IMMP2L: variants seen among roughly 807,000 people sequenced by gnomAD.
IMMP2L encodes the protein mitochondrial inner membrane protease subunit 2.
IMMP2L carries 18 observed loss-of-function variants against 19.3 expected under a neutral mutation model. The observed-to-expected ratio is 0.93, with a 90% CI of 0.64 to 1.38. The LOEUF (loss-of-function observed/expected upper bound fraction) is 1.38, where lower values mean the gene tolerates loss of function less well. Ranked by LOEUF, IMMP2L falls within the 40% of genes most tolerant of loss-of-function variation. The probability of loss-of-function intolerance (pLI) is 0.00; values close to 1 mark genes in which losing one functional copy is unlikely to be tolerated. For synonymous variants in IMMP2L, 76 were observed against 73.0 expected (o/e 1.04, Z -0.21); for missense variants, 233 against 218.2 (o/e 1.07, Z -0.43).
At chr7:110,980,538 C>G (rs1821193122) in intron 3 of IMMP2L, among the ~76,000 whole-genome samples, 1 of 152,074 alleles carries the variant, frequency 6.6e-6, no homozygotes, top group African/African-American at 2.4e-5. Context: ...ATCTTATCAC[C>G]TTTCTAGAAA....
intron 5 of IMMP2L, among the ~76,000 whole-genome samples, chr7:110,722,620 G>A (rs923700380): frequency 6.6e-6 from 1 of 152,060 alleles, no homozygotes; most frequent in Non-Finnish European, 1.5e-5. Context: ...AGCATACATT[G>A]TACTCAATGT....
At chr7:111,120,434 T>A (rs918375100) in intron 3 of IMMP2L, among the ~76,000 whole-genome samples, 1 of 152,038 alleles carries the variant, frequency 6.6e-6, no homozygotes, top group Non-Finnish European at 1.5e-5. Context: ...TTCACTACCA[T>A]GAGCATGGGG....
At chr7:110,789,004 T>A (rs1800279673) in intron 5 of IMMP2L, among the ~76,000 whole-genome samples, 1 of 151,784 alleles carries the variant, frequency 6.6e-6, no homozygotes. Context: ...TGCTGTGCTG[T>A]GTGGAAGTCC....
intron 3 of IMMP2L, among the ~76,000 whole-genome samples, chr7:111,254,067 G>C (rs1481131145): frequency 6.6e-6 from 1 of 152,082 alleles, no homozygotes; most frequent in African/African-American, 2.4e-5. Context: ...AATAAAATTT[G>C]TGCATCAAGT....
intron 5 of IMMP2L, among the ~76,000 whole-genome samples, chr7:110,767,424 C>G (rs577462446): frequency 6.6e-6 from 1 of 152,080 alleles, no homozygotes; most frequent in Non-Finnish European, 1.5e-5. Context: ...AGGATTTTAA[C>G]GTTAACTCTC....
At chr7:110,981,720 T>G (rs997343484) in intron 3 of IMMP2L, among the ~76,000 whole-genome samples, 1 of 152,184 alleles carries the variant, frequency 6.6e-6, no homozygotes, top group African/African-American at 2.4e-5. Flanking sequence ...TCAGCCCACT[T>G]AAGCAGAAAC....
At chr7:110,717,502 A>C (rs1029555992) in intron 5 of IMMP2L, among the ~76,000 whole-genome samples, 1 of 152,104 alleles carries the variant, frequency 6.6e-6, no homozygotes, top group African/African-American at 2.4e-5. Flanking sequence ...AAAACAACTC[A>C]AAGTGTAAGC....
chr7:111,219,289 A>C (rs1812276824), intron 3 of IMMP2L, among the ~76,000 whole-genome samples: 1 of 151,950 alleles, frequency 6.6e-6, no homozygotes, highest in Non-Finnish European at 1.5e-5. Flanking sequence ...TCTTTGTTTG[A>C]GGCACTATTT....
chr7:110,706,563 T>C (rs886416490), intron 5 of IMMP2L, among the ~76,000 whole-genome samples: 1 of 152,188 alleles, frequency 6.6e-6, no homozygotes, highest in South Asian at 2.1e-4. Context: ...TGGTGTGAGA[T>C]GATATCTCAC....
intron 5 of IMMP2L, among the ~76,000 whole-genome samples, chr7:110,672,572 G>A (rs956526411): frequency 5.3e-5 from 8 of 152,052 alleles, no homozygotes; most frequent in South Asian, 2.1e-4. Context: ...AGTCCCTTCC[G>A]CCTATGAGCC....
intron 3 of IMMP2L, among the ~76,000 whole-genome samples, chr7:111,198,771 G>T (rs1171536141): frequency 6.6e-6 from 1 of 152,042 alleles, no homozygotes; most frequent in Non-Finnish European, 1.5e-5. Flanking sequence ...CTGGAACTCT[G>T]TTCTTCCATC....
chr7:111,024,544 C>T (rs894978044), intron 3 of IMMP2L, among the ~76,000 whole-genome samples: 2 of 152,206 alleles, frequency 1.3e-5, no homozygotes, highest in Admixed American at 6.5e-5. Flanking sequence ...TGGTAAGGCT[C>T]ACCTTGTTTC....
chr7:111,042,602 T>C (rs1792007287), intron 3 of IMMP2L, among the ~76,000 whole-genome samples: 1 of 152,216 alleles, frequency 6.6e-6, no homozygotes, highest in Non-Finnish European at 1.5e-5. Flanking sequence ...GGCTCCTGGT[T>C]AGGCAAAGAG....
chr7:110,746,618 A>G (rs993459178), intron 5 of IMMP2L, among the ~76,000 whole-genome samples: 2 of 152,188 alleles, frequency 1.3e-5, no homozygotes, highest in Non-Finnish European at 2.9e-5. Flanking sequence ...CTGCACAACT[A>G]TATAGAAACT....
At chr7:110,969,463 T>C (rs953246624) in intron 3 of IMMP2L, among the ~76,000 whole-genome samples, 10 of 152,192 alleles carry the variant, frequency 6.6e-5, no homozygotes, top group Non-Finnish European at 7.4e-5. Flanking sequence ...TATATGTATA[T>C]ACAATGCCTA....
intron 5 of IMMP2L, among the ~76,000 whole-genome samples, chr7:110,802,368 T>TGTGC (rs1554421575): frequency 2.3e-4 from 34 of 146,504 alleles, no homozygotes; most frequent in African/African-American, 8.6e-4. Flanking sequence ...TGTGTGTGTG[T>TGTGC]GCCTGTGTCT....
intron 3 of IMMP2L, among the ~76,000 whole-genome samples, chr7:111,135,585 G>GGTA (rs1178141267): frequency 6.6e-6 from 1 of 152,046 alleles, no homozygotes; most frequent in Non-Finnish European, 1.5e-5. Flanking sequence ...CAAAGTTCTT[G>GGTA]ACTTGAAATC....
intron 5 of IMMP2L, among the ~76,000 whole-genome samples, chr7:110,770,062 A>G (rs1227209183): frequency 6.6e-6 from 1 of 152,204 alleles, no homozygotes; most frequent in Non-Finnish European, 1.5e-5. Context: ...TACATACAAC[A>G]GTAACGATTA....
chr7:111,209,163 G>A (rs774138846), intron 3 of IMMP2L, among the ~76,000 whole-genome samples: 16 of 152,188 alleles, frequency 1.1e-4, no homozygotes, highest in Non-Finnish European at 1.6e-4. Context: ...AGGCTGAGGC[G>A]GGTGGATCAC....
Sources: gnomAD v4.1 joint callset for allele counts (sites outside exome capture counted in the v4.1 genomes callset) on GRCh38, gnomAD v4.1.1 for gene constraint, MANE v1.5 for transcripts, NCBI Gene and HGNC (gene_info 2026-07-23, HGNC 2026-07-21) for gene names.